The following PHEX variants were observed in gnomAD, a reference collection of about 807,000 sequenced individuals.
The protein encoded by PHEX is phosphate regulating endopeptidase X-linked.
A neutral mutation model predicts 68.0 loss-of-function variants in PHEX; 16 were observed. The observed-to-expected ratio is 0.24, with a 90% CI of 0.16 to 0.36. The LOEUF is 0.36. Ranked by LOEUF, PHEX falls within the 10% of genes least tolerant of loss-of-function variation. PHEX has a pLI of 1.00. For synonymous variants in PHEX, 208 were observed against 205.1 expected (o/e 1.01, Z -0.12); for missense variants, 480 against 575.5 (o/e 0.83, Z 1.70).
intron 14 of PHEX, among the ~76,000 whole-genome samples, chrX:22,187,026 A>C (rs1411819257): frequency 8.9e-6 from 1 of 112,049 alleles, no homozygotes; most frequent in East Asian, 2.8e-4. Context: ...TTGACCTACA[A>C]ATGTTGGGTT....
chrX:22,125,821 T>G (rs1440707447), intron 11 of PHEX, among the ~76,000 whole-genome samples: 1 of 105,178 alleles, frequency 9.5e-6, no homozygotes, highest in African/African-American at 3.8e-5. Flanking sequence ...AAGGGTACCA[T>G]GCATTTTTTT....
At chrX:22,055,340 A>G (rs1339586038) in intron 3 of PHEX, among the ~76,000 whole-genome samples, 1 of 110,664 alleles carries the variant, frequency 9.0e-6, no homozygotes, top group East Asian at 2.8e-4. Context: ...AGATAATCAC[A>G]TGTACCACAT....
intron 13 of PHEX, among the ~76,000 whole-genome samples, chrX:22,176,399 AAAAATATATATATAT>A (rs1206602266): frequency 1.5e-5 from 1 of 64,825 alleles, no homozygotes; most frequent in African/African-American, 9.7e-5. Flanking sequence ...AAAAAAAAAA[AAAAATATATATATAT>A]ATATATATAT....
At chrX:22,039,292 C>T (rs147744615) in intron 2 of PHEX, among the ~76,000 whole-genome samples, 152 of 112,553 alleles carry the variant, frequency 1.4e-3, no homozygotes, top group African/African-American at 4.8e-3. Context: ...TTCTGTCACA[C>T]GTTGCAAGTC....
intron 18 of PHEX, among the ~76,000 whole-genome samples, chrX:22,222,662 C>CA (rs1319131294): frequency 4.5e-5 from 5 of 111,689 alleles, no homozygotes; most frequent in African/African-American, 1.6e-4. Context: ...AAAAACCCCC[C>CA]AAAAAACAAT....
At chrX:22,060,616 G>A (rs1455403281) in intron 3 of PHEX, among the ~76,000 whole-genome samples, 2 of 112,156 alleles carry the variant, frequency 1.8e-5, no homozygotes, top group African/African-American at 6.5e-5. Flanking sequence ...AAGCAGACAA[G>A]GGGGCATTTT....
chrX:22,034,604 G>A (rs1926930499), intron 1 of PHEX, among the ~76,000 whole-genome samples: 1 of 111,984 alleles, frequency 8.9e-6, no homozygotes, highest in South Asian at 3.7e-4. Context: ...ACTTTCCAGC[G>A]TGCCCAATAA....
intron 3 of PHEX, among the ~76,000 whole-genome samples, chrX:22,075,826 C>T (rs140833676): frequency 9.0e-6 from 1 of 111,670 alleles, no homozygotes; most frequent in Non-Finnish European, 1.9e-5. Context: ...TCAGGCAATT[C>T]GGGTAGGTTT....
chrX:22,035,687 C>T (rs1158863641), intron 1 of PHEX, among the ~76,000 whole-genome samples: 4 of 111,383 alleles, frequency 3.6e-5, no homozygotes, highest in African/African-American at 6.5e-5. Flanking sequence ...TCTGGCCATT[C>T]TTATGCTCTT....
chrX:22,119,596 C>CT (rs774763952), intron 11 of PHEX, among the ~76,000 whole-genome samples: 1,922 of 98,823 alleles, frequency 0.019, 33 homozygotes, highest in African/African-American at 0.047. Context: ...TTTTCTTTTT[C>CT]TTTTTTTTTT....
chrX:22,173,312 A>T (rs1423404378), intron 13 of PHEX, among the ~76,000 whole-genome samples: 1 of 109,627 alleles, frequency 9.1e-6, no homozygotes, highest in Non-Finnish European at 1.9e-5. Flanking sequence ...CTTCATCCAG[A>T]CTGTTCCACT....
intron 12 of PHEX, 102 bp from the exon 13 acceptor site, chrX:22,168,210 G>A (rs1933399530): frequency 7.9e-6 from 5 of 629,339 alleles, no homozygotes; most frequent in Middle Eastern, 4.6e-4. Flanking sequence ...TAGATATTCA[G>A]TAAATGGAGT....
chrX:22,221,131 C>G (rs1935255330), intron 17 of PHEX, among the ~76,000 whole-genome samples: 1 of 111,705 alleles, frequency 9.0e-6, no homozygotes, highest in Admixed American at 9.5e-5. Flanking sequence ...CTCCTGGCAA[C>G]TTGGAGGAAA....
At chrX:22,137,640 A>G (rs926804068) in intron 12 of PHEX, among the ~76,000 whole-genome samples, 2 of 111,480 alleles carry the variant, frequency 1.8e-5, no homozygotes, top group African/African-American at 6.5e-5. Context: ...GTTCCAGACC[A>G]GTAGCAGCAG....
At chrX:22,181,215 C>T (rs956409164) in intron 14 of PHEX, among the ~76,000 whole-genome samples, 3 of 112,049 alleles carry the variant, frequency 2.7e-5, no homozygotes, top group Admixed American at 1.9e-4. Context: ...TTTACATTCC[C>T]AGTAACAAAG....
intron 3 of PHEX, among the ~76,000 whole-genome samples, chrX:22,067,010 G>T (rs760656400): frequency 3.2e-4 from 35 of 110,799 alleles, no homozygotes; most frequent in Non-Finnish European, 6.4e-4. Flanking sequence ...TTGGGAGGTT[G>T]AGGTGGGTGG....
At chrX:22,202,474 A>G (rs1934586677) in intron 15 of PHEX, among the ~76,000 whole-genome samples, 1 of 112,199 alleles carries the variant, frequency 8.9e-6, no homozygotes, top group Non-Finnish European at 1.9e-5. Flanking sequence ...TCAAGAAAGC[A>G]GTACAAATTT....
intron 13 of PHEX, among the ~76,000 whole-genome samples, chrX:22,176,114 C>T (rs900137736): frequency 2.1e-4 from 23 of 110,892 alleles, no homozygotes; most frequent in African/African-American, 7.2e-4. Context: ...TTGGCCAGCG[C>T]GGTGGCCCAC....
intron 12 of PHEX, among the ~76,000 whole-genome samples, chrX:22,139,609 G>A (rs777943217): frequency 1.0e-4 from 11 of 110,072 alleles, no homozygotes; most frequent in Non-Finnish European, 1.9e-4. Flanking sequence ...CTGAGTATCT[G>A]GAACTATAGG....
Sources: allele counts gnomAD v4.1 joint callset (sites outside exome capture counted in the v4.1 genomes callset), GRCh38; gene constraint gnomAD v4.1.1; transcripts MANE v1.5; gene names NCBI Gene and HGNC (gene_info 2026-07-23, HGNC 2026-07-21).